CA12: variants seen among roughly 807,000 people sequenced by gnomAD.
CA12 encodes the protein carbonate dehydratase XII.
CA12 carries 36 observed loss-of-function variants against 46.8 expected under a neutral mutation model. The ratio of observed to expected loss-of-function variants is 0.77; its 90% CI spans 0.59 to 1.02. The LOEUF is 1.02. Ranked by LOEUF, CA12 falls within the 50% of genes least tolerant of loss-of-function variation. CA12 has a pLI of 0.00. For synonymous variants in CA12, 202 were observed against 187.0 expected (o/e 1.08, Z -0.65); for missense variants, 436 against 451.4 (o/e 0.97, Z 0.31).
At chr15:63,358,475 C>CAG (rs111577204) in intron 2 of CA12, among the ~76,000 whole-genome samples, 6,205 of 152,242 alleles carry the variant, frequency 0.041, 300 homozygotes, top group South Asian at 0.11. Context: ...CCTTTCCTGG[C>CAG]AGAGAGAGAC....
chr15:63,354,565 CAAA>C (rs1011492009), intron 2 of CA12, among the ~76,000 whole-genome samples: 1 of 151,770 alleles, frequency 6.6e-6, no homozygotes, highest in Non-Finnish European at 1.5e-5. Flanking sequence ...CTCTAAACAA[CAAA>C]AAAAGTGGCT....
At chr15:63,356,848 A>C (rs1332620256) in intron 2 of CA12, among the ~76,000 whole-genome samples, 1 of 152,236 alleles carries the variant, frequency 6.6e-6, no homozygotes, top group Non-Finnish European at 1.5e-5. Context: ...ATCCCAAAGT[A>C]TTAAAAGCAG....
rs140041172 is a variant in CA12 at position 63,372,882 on chromosome 15, A to G, written c.106+2776T>C. ...ACTTGCCTTTGTGCTTACCCCATGCATGTCCATGCATCATTAGACTCTGCC... is the reference window on the plus strand; with the variant it reads ...ACTTGCCTTTGTGCTTACCCCATGCGTGTCCATGCATCATTAGACTCTGCC... On this transcript the variant is annotated intron_variant, in intron 2 of 10. Transcript: ENST00000178638. This position sits in a 1 kb window ranked among gnomAD's most constrained non-coding sequence, Gnocchi z 4.5. Among the ~76,000 whole-genome samples, 1 of 152,302 alleles carries G rather than the reference A, an allele frequency of 6.6e-6. No individual in the cohort carries two copies. The highest frequency in any genetic ancestry group is 1.5e-5 in the Non-Finnish European group (1 of 68,020).
chr15:63,360,391 C>T (rs767719415), intron 2 of CA12, among the ~76,000 whole-genome samples: 10 of 152,194 alleles, frequency 6.6e-5, no homozygotes, highest in Non-Finnish European at 1.2e-4. Flanking sequence ...TCACTCTTTG[C>T]CCTGCAGGGA....
chr15:63,380,712 C>G (rs370818167), intron 1 of CA12, among the ~76,000 whole-genome samples: 112 of 152,332 alleles, frequency 7.4e-4, no homozygotes, highest in African/African-American at 2.6e-3. Context: ...CTGTGACCTC[C>G]AAGAGAGGAG....
chr15:63,352,186 G>A (rs1278422444), intron 2 of CA12, among the ~76,000 whole-genome samples: 2 of 152,178 alleles, frequency 1.3e-5, no homozygotes, highest in African/African-American at 4.8e-5. Flanking sequence ...CTCCCAAGTA[G>A]CTGGGATTAC....
intron 2 of CA12, among the ~76,000 whole-genome samples, chr15:63,364,056 G>A (rs548375380): frequency 4.6e-5 from 7 of 152,082 alleles, no homozygotes; most frequent in East Asian, 3.9e-4. Flanking sequence ...GCGTGGTGGC[G>A]CATGCCTGTA....
chr15:63,352,497 G>A (rs570952422), intron 2 of CA12, among the ~76,000 whole-genome samples: 1 of 152,302 alleles, frequency 6.6e-6, no homozygotes, highest in East Asian at 1.9e-4. Context: ...GGGGATCCAG[G>A]CACCAGAGTC....
rs2039600925 is a variant in CA12, at chr15:63,378,124, A to G, written c.86-2446T>C. Reference sequence around the variant, plus strand: ...CTAAGCTGGCTGGGTACGGTGGCTCACCCCTGTAATCCCAGCACTTTGGAA... The same window carrying G: ...CTAAGCTGGCTGGGTACGGTGGCTCGCCCCTGTAATCCCAGCACTTTGGAA... On this transcript the variant is annotated intron_variant, in intron 1 of 10. Transcript: ENST00000178638. This position sits in a 1 kb window ranked among gnomAD's most constrained non-coding sequence, Gnocchi z 4.8. 6.6e-6 allele frequency among the ~76,000 whole-genome samples: 1 copy of G among 152,198 alleles called. No homozygotes were observed. Among genetic ancestry groups the G allele is most frequent in the African/African-American group, 2.4e-5 (1 of 41,442 alleles).
chr15:63,355,170 T>G lies in CA12; in HGVS notation c.107-8461A>C, dbSNP rs1264267418. Among the ~76,000 whole-genome samples the G allele has an allele frequency of 6.6e-6, 1 of 152,002 alleles. No homozygotes were observed. Among genetic ancestry groups the G allele is most frequent in the Non-Finnish European group, 1.5e-5 (1 of 67,992 alleles). On this transcript the variant is annotated intron_variant, in intron 2 of 10. Coordinates refer to ENST00000178638, the MANE Select transcript of CA12 (RefSeq NM_001218.5). This position sits in a 1 kb window ranked among gnomAD's most constrained non-coding sequence, Gnocchi z 4.1. ...ACTTTTCTGTGTCTGCTCCCACCCC[T>G]CCTTTTCGTTCCAGCAGCGCTGAGC... is the stretch of plus-strand genomic sequence containing the variant.
intron 2 of CA12, among the ~76,000 whole-genome samples, chr15:63,369,846 G>C (rs538856019): frequency 6.6e-6 from 1 of 152,256 alleles, no homozygotes; most frequent in Non-Finnish European, 1.5e-5. Flanking sequence ...CACTATGCCT[G>C]TCTTTAGGAA....
intron 2 of CA12, among the ~76,000 whole-genome samples, chr15:63,366,374 C>T (rs1159543436): frequency 6.6e-6 from 1 of 152,152 alleles, no homozygotes; most frequent in Admixed American, 6.5e-5. Flanking sequence ...ATGTGTCCTT[C>T]AGGTCTCATC....
intron 3 of CA12, among the ~76,000 whole-genome samples, 166 bp downstream of exon 3, chr15:63,346,364 C>T (rs2039147559): frequency 6.6e-6 from 1 of 152,142 alleles, no homozygotes; most frequent in African/African-American, 2.4e-5. Context: ...CTCCAGCATC[C>T]CCTGGAGAGA....
At chr15:63,350,707 C>T (rs1377670744) in intron 2 of CA12, among the ~76,000 whole-genome samples, 2 of 152,020 alleles carry the variant, frequency 1.3e-5, no homozygotes, top group Non-Finnish European at 1.5e-5. Flanking sequence ...ATTTTGAGGC[C>T]CAGGGTGTAG....
rs374310552 is a variant in CA12, at chr15:63,367,063, C to G, written c.106+8595G>C. 2.8e-4 allele frequency among the ~76,000 whole-genome samples: 42 copies of G among 152,316 alleles called. No homozygotes were observed. The South Asian group carries it at 6.8e-3, about 25-fold the overall frequency. ...CAGCTTCCCAAGTAGCTGAGACTAC[C>G]GCACATGCCACAATGCCTGGCTAAT... On this transcript the variant is annotated intron_variant, in intron 2 of 10. Coordinates refer to ENST00000178638, the MANE Select transcript of CA12 (RefSeq NM_001218.5).
chr15:63,344,495 G>T (rs954096456), intron 4 of CA12, among the ~76,000 whole-genome samples: 4 of 152,208 alleles, frequency 2.6e-5, no homozygotes, highest in Non-Finnish European at 5.9e-5. Flanking sequence ...TAGCCTGGAG[G>T]AAATTTCAGT....
At chr15:63,351,429 C>A (rs544181866) in intron 2 of CA12, among the ~76,000 whole-genome samples, 75 of 152,304 alleles carry the variant, frequency 4.9e-4, no homozygotes, top group African/African-American at 1.8e-3. Flanking sequence ...CGTACACTCC[C>A]TTTCTCCCTA....
intron 4 of CA12, among the ~76,000 whole-genome samples, chr15:63,342,465 G>A (rs1368572206): frequency 3.3e-5 from 5 of 152,156 alleles, no homozygotes; most frequent in Admixed American, 6.5e-5. Flanking sequence ...GGAATGTCTG[G>A]GTTCCAATAA....
intron 2 of CA12, among the ~76,000 whole-genome samples, chr15:63,350,538 A>T (rs1044259789): frequency 6.6e-6 from 1 of 152,120 alleles, no homozygotes; most frequent in Non-Finnish European, 1.5e-5. Flanking sequence ...TGTCTTTCAC[A>T]GTTTGTTTTT....
Sources: gnomAD v4.1 joint callset for allele counts (sites outside exome capture counted in the v4.1 genomes callset) on GRCh38, gnomAD v4.1.1 for gene constraint, Gnocchi (gnomAD v3.1) non-coding constraint, MANE v1.5 for transcripts, NCBI Gene and HGNC (gene_info 2026-07-23, HGNC 2026-07-21) for gene names.